Variants in DNAI2 observed in about 807,000 individuals in gnomAD.
The protein encoded by DNAI2 is dynein axonemal intermediate chain 2, also known as dynein, axonemal, intermediate polypeptide 2.
Under a neutral mutation model 74.7 loss-of-function variants are expected in DNAI2, and 63 were observed. The ratio of observed to expected loss-of-function variants is 0.84; its 90% CI spans 0.69 to 1.04. The LOEUF is 1.04. DNAI2 is among the 50% of genes least tolerant of loss of function. DNAI2 has a pLI of 0.00. For synonymous variants in DNAI2, 289 were observed against 314.9 expected (o/e 0.92, Z 0.87); for missense variants, 688 against 803.2 (o/e 0.86, Z 1.73).
chr17:74,299,333 C>G (rs1369957644), intron 6 of DNAI2, among the ~76,000 whole-genome samples: 3 of 152,134 alleles, frequency 2.0e-5, no homozygotes, highest in Non-Finnish European at 4.4e-5. Flanking sequence ...GCTCTCCTCT[C>G]GCCTGGCTCC....
rs2053566773 is a variant in DNAI2, at chr17:74,312,201, G to A, written c.1693G>A (p.Ala565Thr). 1 of 1,599,312 alleles carries A rather than the reference G, an allele frequency of 6.3e-7. No individual in the cohort carries two copies. Among genetic ancestry groups the A allele is most frequent in the African/African-American group, 1.4e-5 (1 of 72,484 alleles). The change falls in exon 12 of 14, where the codon GCA (alanine) becomes ACA (threonine). Residue 565 changes from alanine (A) to threonine (T), a missense_variant. Physicochemically the swap from Ala to Thr is moderately conservative, Grantham distance 58. Coordinates refer to ENST00000311014, the MANE Select transcript of DNAI2 (RefSeq NM_023036.6). ...IIFAELKKKE[A>T]DAIKLTPVPQ... ...CTTCGCAGAGCTGAAGAAGAAGGAG[G>A]CAGACGCCATAAAGCTGACGCCAGT...
In DNAI2 at chr17:74,274,280, A is replaced by T. The variant is rs1285065473; in HGVS notation, c.-77A>T. ...CGGTAAACGCCGCCGTTTGAGGAGCACCGGAGCCGCGACCGTGGATTGAAC... is the reference window on the plus strand; with the variant it reads ...CGGTAAACGCCGCCGTTTGAGGAGCTCCGGAGCCGCGACCGTGGATTGAAC... On this transcript the variant is annotated 5_prime_UTR_variant, in exon 1 of 14. Coordinates refer to ENST00000311014, the MANE Select transcript of DNAI2 (RefSeq NM_023036.6). 2 of 135,954 alleles carry T rather than the reference A, an allele frequency of 1.5e-5. No homozygotes were observed. Among genetic ancestry groups the T allele is most frequent in the Non-Finnish European group, 3.2e-5 (2 of 62,270 alleles). The allele number at this position is 135,954 out of a possible 1,614,324, so 8.4% of individuals were successfully genotyped here.
At chr17:74,298,003 G>A (rs2052549648) in intron 6 of DNAI2, among the ~76,000 whole-genome samples, 1 of 152,210 alleles carries the variant, frequency 6.6e-6, no homozygotes, top group Admixed American at 6.5e-5. Context: ...CTGCCCAGGG[G>A]AGCTTTCAGA....
intron 13 of DNAI2, 148 bp downstream of exon 13, chr17:74,314,419 C>G (rs1391864465): frequency 8.9e-7 from 1 of 1,127,792 alleles, no homozygotes; most frequent in African/African-American, 1.5e-5. Flanking sequence ...TGAGCCACCC[C>G]TTGGAGAGAG....
intron 2 of DNAI2, among the ~76,000 whole-genome samples, chr17:74,282,933 T>G (rs1220651910): frequency 6.6e-6 from 1 of 152,050 alleles, no homozygotes; most frequent in African/African-American, 2.4e-5. Flanking sequence ...GACCAACTGC[T>G]CCCCCGGGGA....
chr17:74,309,588 T>G, intron 10 of DNAI2, 200 bp downstream of exon 10: 1 of 768,908 alleles, frequency 1.3e-6, no homozygotes, highest in East Asian at 2.7e-5. Context: ...GCCTGGGGGA[T>G]TTGGCATCCT....
Position 74,300,949 on chromosome 17 carries a change from G to C in DNAI2, c.865-97G>C. 1 of 1,565,732 alleles carries C rather than the reference G, an allele frequency of 6.4e-7. No homozygotes were observed. Among genetic ancestry groups the C allele is most frequent in the African/African-American group, 1.4e-5 (1 of 74,036 alleles). On this transcript the variant is annotated intron_variant, in intron 7 of 13. Coordinates refer to ENST00000311014, the MANE Select transcript of DNAI2 (RefSeq NM_023036.6). The surrounding 1 kb of genome is among the most constrained non-coding windows in gnomAD (Gnocchi z 4.5). ...CGGGAGCTCCATCCTTTGTGGCCCA[G>C]TGGCTGACCCCAGGACGGTGGGGTG...
intron 1 of DNAI2, among the ~76,000 whole-genome samples, chr17:74,275,706 G>A (rs2143828937): frequency 6.6e-6 from 1 of 151,642 alleles, no homozygotes; most frequent in Non-Finnish European, 1.5e-5. Context: ...CAGCCTAGGT[G>A]ACAGACTGAG....
chr17:74,299,261 G>A (rs2052619642), intron 6 of DNAI2, among the ~76,000 whole-genome samples: 1 of 152,192 alleles, frequency 6.6e-6, no homozygotes, highest in Admixed American at 6.5e-5. Flanking sequence ...ATGGGCTAAT[G>A]TAGCAGAGAG....
At chr17:74,304,582 A>G (rs1292926902) in intron 8 of DNAI2, among the ~76,000 whole-genome samples, 2 of 152,192 alleles carry the variant, frequency 1.3e-5, no homozygotes, top group Non-Finnish European at 2.9e-5. Flanking sequence ...GCCTTTGTGC[A>G]TTCAGTCCGC....
chr17:74,304,629 C>T (rs113788129), intron 8 of DNAI2, among the ~76,000 whole-genome samples: 2 of 152,292 alleles, frequency 1.3e-5, no homozygotes, highest in African/African-American at 2.4e-5. Flanking sequence ...AGTTCGTGGG[C>T]GATGGACCCA....
chr17:74,313,119 A>G (rs2053630275), intron 12 of DNAI2, among the ~76,000 whole-genome samples: 1 of 152,252 alleles, frequency 6.6e-6, no homozygotes, highest in Admixed American at 6.5e-5. Flanking sequence ...CTGCTGAGAC[A>G]GGGTCCAGTG....
In DNAI2 at chr17:74,291,100, G is replaced by A. The variant is rs767996853; in HGVS notation, c.691G>A (p.Val231Ile). The change falls in exon 6 of 14, where the codon GTA becomes ATA. Residue 231 changes from valine (V) to isoleucine (I), a missense_variant. By Grantham distance (29) the Val-to-Ile change is conservative (BLOSUM62 3). Transcript: ENST00000311014. ...TLEFNPKDSH[V>I]LLGGCYNGQI... Reference sequence around the variant, plus strand: ...GGAGTTCAACCCCAAAGATTCCCACGTACTCCTGGGTGGCTGCTACAATGG... The same window carrying A: ...GGAGTTCAACCCCAAAGATTCCCACATACTCCTGGGTGGCTGCTACAATGG... 312 of 1,614,002 alleles carry A rather than the reference G, an allele frequency of 1.9e-4. 1 individual carries two copies. The highest frequency in any genetic ancestry group is 2.4e-4 in the Non-Finnish European group (281 of 1,179,976).
chr17:74,283,204 G>A (rs2051492881), intron 2 of DNAI2, among the ~76,000 whole-genome samples: 1 of 152,234 alleles, frequency 6.6e-6, no homozygotes, highest in Non-Finnish European at 1.5e-5. Context: ...TTTGGAACTA[G>A]GTGGGGTTGA....
chr17:74,283,768 C>A (rs1002532394), intron 2 of DNAI2, among the ~76,000 whole-genome samples: 1 of 151,400 alleles, frequency 6.6e-6, no homozygotes, highest in African/African-American at 2.4e-5. Flanking sequence ...AAAAATTAGC[C>A]ACGTGTGGTG....
intron 5 of DNAI2, among the ~76,000 whole-genome samples, chr17:74,290,744 T>C (rs1027193914): frequency 3.3e-5 from 5 of 152,170 alleles, no homozygotes; most frequent in African/African-American, 1.2e-4. Context: ...ACACCAAACC[T>C]AGGAACTGGA....
chr17:74,274,393 G>A lies in DNAI2; in HGVS notation c.-12+48G>A, dbSNP rs2143820405. 2.0e-5 allele frequency: 3 copies of A among 152,460 alleles called. 1 individual carries two copies. The highest frequency in any genetic ancestry group is 6.8e-3 in the Middle Eastern group (2 of 296). The allele number at this position is 152,460 out of a possible 1,614,324, so 9.4% of individuals were successfully genotyped here. On this transcript the variant is annotated intron_variant, in intron 1 of 13. Coordinates refer to ENST00000311014, the MANE Select transcript of DNAI2 (RefSeq NM_023036.6). ...ACGTCGGAGGCTAAAGACTAGAGTG[G>A]AGAGTGACAGGGAGAGACTTACAGG...
intron 8 of DNAI2, among the ~76,000 whole-genome samples, chr17:74,303,280 A>G (rs2052971446): frequency 6.6e-6 from 1 of 152,102 alleles, no homozygotes. Context: ...GCAGCCCACC[A>G]TGAAGTCTGA....
At position 74,310,014 on chromosome 17, in the gene DNAI2, T is replaced by G; in HGVS notation, c.1348-3T>G. ...ACCTGGGTCTGCCCGGCCCCTTCAA[T>G]AGGTGTGTGACGAGGCCCTCTTCTG... On this transcript the variant is annotated splice_region_variant and splice_polypyrimidine_tract_variant and intron_variant, in intron 10 of 13. Coordinates refer to ENST00000311014, the MANE Select transcript of DNAI2 (RefSeq NM_023036.6). 1.9e-6 allele frequency: 3 copies of G among 1,613,808 alleles called. No homozygotes were observed. Among genetic ancestry groups the G allele is most frequent in the Non-Finnish European group, 2.5e-6 (3 of 1,180,022 alleles).
Sources: allele counts gnomAD v4.1 joint callset (sites outside exome capture counted in the v4.1 genomes callset), GRCh38; gene constraint gnomAD v4.1.1; non-coding constraint Gnocchi (gnomAD v3.1); transcripts MANE v1.5; gene names NCBI Gene and HGNC (gene_info 2026-07-23, HGNC 2026-07-21).